Variants in SPDYA observed in about 807,000 individuals in gnomAD.
SPDYA encodes speedy/RINGO cell cycle regulator family member A, also known as speedy protein A.
SPDYA carries 11 observed loss-of-function variants against 36.7 expected under a neutral mutation model. That is an observed-to-expected ratio of 0.30 (90% confidence interval 0.19 to 0.50). SPDYA has a LOEUF of 0.50. Among genes scored for constraint, SPDYA ranks in the 20% least tolerant of loss-of-function variants. SPDYA has a pLI of 0.98. For missense variants in SPDYA, 287 were observed against 370.9 expected (o/e 0.77, Z 1.86); for synonymous variants, 115 against 118.7 (o/e 0.97, Z 0.20).
intron 6 of SPDYA, 135 bp from the exon 7 acceptor site, chr2:28,840,037 T>C: frequency 1.3e-6 from 1 of 777,304 alleles, no homozygotes; most frequent in Non-Finnish European, 2.0e-6. Flanking sequence ...CTGGAAGTGC[T>C]TTGTTTTTTA....
At chr2:28,844,294 G>C (rs1668819111) in intron 7 of SPDYA, among the ~76,000 whole-genome samples, 2 of 152,204 alleles carry the variant, frequency 1.3e-5, no homozygotes, top group Non-Finnish European at 2.9e-5. Context: ...TAAGATATTA[G>C]CTGGGCATTG....
intron 6 of SPDYA, among the ~76,000 whole-genome samples, chr2:28,838,128 C>G (rs963301202): frequency 6.6e-6 from 1 of 151,576 alleles, no homozygotes; most frequent in Admixed American, 6.6e-5. Flanking sequence ...TAAAAGACAC[C>G]CTATGGCCCA....
intron 7 of SPDYA, 135 bp downstream of exon 7, chr2:28,840,604 C>T (rs550043284): frequency 1.4e-6 from 2 of 1,410,510 alleles, no homozygotes; most frequent in Admixed American, 3.2e-5. Context: ...AAACTTTCTC[C>T]CCTTTCAGTT....
chr2:28,824,016 G>C (rs1007517745), intron 5 of SPDYA, among the ~76,000 whole-genome samples: 1 of 151,034 alleles, frequency 6.6e-6, no homozygotes, highest in Non-Finnish European at 1.5e-5. Context: ...CAAAGTGCTA[G>C]GATTACAGGC....
chr2:28,826,572 A>T (rs1327311244), intron 5 of SPDYA, among the ~76,000 whole-genome samples: 1 of 142,696 alleles, frequency 7.0e-6, no homozygotes, highest in African/African-American at 2.6e-5. Flanking sequence ...GGTCTTCCCC[A>T]TCACTTATCT....
intron 3 of SPDYA, among the ~76,000 whole-genome samples, chr2:28,817,851 CAAAAAAAAAAA>C (rs70956049): frequency 3.3e-5 from 1 of 30,666 alleles, no homozygotes; most frequent in Non-Finnish European, 5.1e-5. Context: ...GACTCTGTCT[CAAAAAAAAAAA>C]AAAAAAAAAA....
chr2:28,821,965 A>G (rs1266194606), intron 4 of SPDYA, among the ~76,000 whole-genome samples: 1 of 152,210 alleles, frequency 6.6e-6, no homozygotes, highest in Non-Finnish European at 1.5e-5. Context: ...GATAGCAAAC[A>G]TGGCAAATTT....
intron 2 of SPDYA, 52 bp from the exon 3 acceptor site, chr2:28,815,945 T>C (rs1667972682): frequency 3.3e-6 from 4 of 1,202,326 alleles, no homozygotes; most frequent in Non-Finnish European, 4.8e-6. Flanking sequence ...GTTAGTTGTT[T>C]ATATATGAAA....
At position 28,816,223 on chromosome 2, in the gene SPDYA, A is replaced by G. The variant is rs1667980956; in HGVS notation, c.209A>G (p.Asp70Gly). ...CCTTGTCTGGTTATACAGCGTCAGG[A>G]TATGACTGCTTTCTTTAAATTATTT... ...KGPCLVIQRQ[D>G]MTAFFKLFDD... Residue 70 changes from aspartate to glycine, a missense_variant, in exon 3 of 8, where the codon GAT (aspartate) becomes GGT (glycine). By Grantham distance (94) the Asp-to-Gly change is moderately conservative. Coordinates refer to ENST00000334056, the MANE Select transcript of SPDYA (RefSeq NM_182756.4). 1 of 1,605,228 alleles carries G rather than the reference A, an allele frequency of 6.2e-7. No homozygotes were observed. Among genetic ancestry groups the G allele is most frequent in the Admixed American group, 1.7e-5 (1 of 57,396 alleles).
At chr2:28,847,587 A>T (rs958208651) in intron 7 of SPDYA, among the ~76,000 whole-genome samples, 3 of 151,830 alleles carry the variant, frequency 2.0e-5, no homozygotes, top group Non-Finnish European at 4.4e-5. Context: ...CTCTTAAAAA[A>T]ATACAAAAAT....
In SPDYA at chr2:28,840,153, A is replaced by C; in HGVS notation, c.553-19A>C. 6.3e-7 allele frequency: 1 copy of C among 1,595,964 alleles called. No individual in the cohort carries two copies. Among genetic ancestry groups the C allele is most frequent in the Admixed American group, 1.8e-5 (1 of 54,810 alleles). On this transcript the variant is annotated intron_variant, in intron 6 of 7. Transcript: ENST00000334056. The stretch of plus-strand genomic sequence containing the variant: ...TTTGAAATATTACTAAAATTCTAAA[A>C]GTTAGCTTTCTATTATAGGTTATGG...
intron 3 of SPDYA, among the ~76,000 whole-genome samples, chr2:28,818,021 T>C (rs1668031779): frequency 6.7e-6 from 1 of 148,306 alleles, no homozygotes; most frequent in African/African-American, 2.5e-5. Context: ...AAAAAATTTA[T>C]CTGGGCATGG....
chr2:28,845,249 C>CTTTTTTTTTT (rs372229883), intron 7 of SPDYA, among the ~76,000 whole-genome samples: 5 of 132,574 alleles, frequency 3.8e-5, no homozygotes, highest in Non-Finnish European at 6.3e-5. Context: ...CCATGCCCAG[C>CTTTTTTTTTT]TTTTTTTTTT....
chr2:28,813,023 G>A (rs1667891762), intron 1 of SPDYA, among the ~76,000 whole-genome samples: 1 of 151,844 alleles, frequency 6.6e-6, no homozygotes, highest in Non-Finnish European at 1.5e-5. Flanking sequence ...CATTCTCTTA[G>A]TATATCTAAG....
intron 1 of SPDYA, among the ~76,000 whole-genome samples, chr2:28,814,389 C>T (rs1667933868): frequency 6.6e-6 from 1 of 152,104 alleles, no homozygotes; most frequent in African/African-American, 2.4e-5. Flanking sequence ...AAATACGCAG[C>T]AGATTTCAAA....
intron 6 of SPDYA, among the ~76,000 whole-genome samples, chr2:28,836,082 C>A (rs1177376365): frequency 6.6e-6 from 1 of 152,192 alleles, no homozygotes; most frequent in Non-Finnish European, 1.5e-5. Flanking sequence ...AATAATAATA[C>A]TTTACATTTG....
At chr2:28,818,440 TA>T (rs372056967) in intron 3 of SPDYA, among the ~76,000 whole-genome samples, 5,810 of 109,982 alleles carry the variant, frequency 0.053, 135 homozygotes, top group Non-Finnish European at 0.059. Flanking sequence ...CCTGTCTCTT[TA>T]AAAAAAAAAA....
At chr2:28,843,548 C>T in intron 7 of SPDYA, among the ~76,000 whole-genome samples, 1 of 106,666 alleles carries the variant, frequency 9.4e-6, no homozygotes, top group Non-Finnish European at 2.1e-5. Flanking sequence ...AAAACTTCGT[C>T]TCAAAAAAAA....
chr2:28,821,066 A>G (rs186856879), intron 4 of SPDYA, among the ~76,000 whole-genome samples: 1 of 152,308 alleles, frequency 6.6e-6, no homozygotes, highest in Admixed American at 6.5e-5. Context: ...ATTTCACAAT[A>G]TATCACTAAA....
Sources: allele counts gnomAD v4.1 joint callset (sites outside exome capture counted in the v4.1 genomes callset), GRCh38; gene constraint gnomAD v4.1.1; transcripts MANE v1.5; gene names NCBI Gene and HGNC (gene_info 2026-07-23, HGNC 2026-07-21).